GRIA3: variants seen among roughly 807,000 people sequenced by gnomAD.
GRIA3 encodes the protein glutamate receptor 3.
In GRIA3, 3 loss-of-function variants were observed where a neutral mutation model predicts 63.0. The ratio of observed to expected loss-of-function variants is 0.05; its 90% CI spans 0.02 to 0.12. GRIA3 has a LOEUF of 0.12. GRIA3 is among the 10% of genes least tolerant of loss of function. The probability of loss-of-function intolerance (pLI) is 1.00; values close to 1 mark genes in which losing one functional copy is unlikely to be tolerated. For synonymous variants in GRIA3, 274 were observed against 257.9 expected (o/e 1.06, Z -0.60); for missense variants, 347 against 700.9 (o/e 0.50, Z 5.70).
chrX:123,235,824 TAA>T (rs201918042), intron 2 of GRIA3, among the ~76,000 whole-genome samples: 8 of 101,181 alleles, frequency 7.9e-5, no homozygotes, highest in African/African-American at 1.1e-4. Context: ...CCAGATACAT[TAA>T]AAAAAAAAAA....
chrX:123,414,792 G>T (rs900373022), intron 10 of GRIA3, among the ~76,000 whole-genome samples: 4 of 110,793 alleles, frequency 3.6e-5, no homozygotes, highest in Non-Finnish European at 7.6e-5. Context: ...TGGTGTATAT[G>T]TGCCACATTT....
At chrX:123,220,406 AGGAAGAATG>A (rs1928261462) in intron 2 of GRIA3, among the ~76,000 whole-genome samples, 1 of 112,549 alleles carries the variant, frequency 8.9e-6, no homozygotes, top group East Asian at 2.8e-4. Flanking sequence ...AACATAGGTA[AGGAAGAATG>A]GTGATAGTTA....
chrX:123,422,601 C>A (rs1461880863), intron 11 of GRIA3, among the ~76,000 whole-genome samples: 9 of 112,077 alleles, frequency 8.0e-5, no homozygotes, highest in Non-Finnish European at 1.7e-4. Flanking sequence ...TCACTAGATT[C>A]ACAATCTGCT....
At chrX:123,464,247 G>A (rs894600500) in intron 12 of GRIA3, among the ~76,000 whole-genome samples, 2 of 111,466 alleles carry the variant, frequency 1.8e-5, no homozygotes, top group East Asian at 2.8e-4. Flanking sequence ...GGCAGGATCC[G>A]TACTCCATAC....
intron 3 of GRIA3, among the ~76,000 whole-genome samples, chrX:123,305,855 G>A (rs188544838): frequency 1.7e-4 from 19 of 112,038 alleles, no homozygotes; most frequent in Middle Eastern, 4.6e-3. Context: ...CCCTGTCCCC[G>A]TTGCAAATAA....
chrX:123,251,517 C>T (rs1164934486), intron 2 of GRIA3, among the ~76,000 whole-genome samples: 1 of 111,413 alleles, frequency 9.0e-6, no homozygotes, highest in Non-Finnish European at 1.9e-5. Flanking sequence ...CTCACTGCAA[C>T]CTCTGCCTCC....
At position 123,463,611 on chromosome X, in the gene GRIA3, GGAAAGAAAGAAAGAAAGAAAGAAAGAAA is replaced by G. The variant is rs1192576542; in HGVS notation, c.2077-1207_2077-1180del. Among the ~76,000 whole-genome samples the G allele has an allele frequency of 6.6e-4, 8 of 12,135 alleles. No individual in the cohort carries two copies. The Admixed American group carries it at 7.0e-3, about 11-fold the overall frequency. 10.5% of individuals were successfully genotyped at this position (12,135 alleles called of 115,157 possible). A position where few individuals can be genotyped will look rare whatever the true frequency, so the allele number is the denominator to read the frequency against. ...GGGAGGGAGGGAGGGAGGGAGGGAG[GGAAAGAAAGAAAGAAAGAAAGAAAGAAA>G]GAAAGAAAGAAAGAAAGAAAGAAAG... On this transcript the variant is annotated intron_variant, in intron 12 of 15. Transcript: ENST00000620443.
chrX:123,259,112 G>A (rs1248027692), intron 3 of GRIA3, among the ~76,000 whole-genome samples: 2 of 112,070 alleles, frequency 1.8e-5, no homozygotes, highest in African/African-American at 6.5e-5. Context: ...ATTAGAGCAA[G>A]AACCCTGTGA....
chrX:123,244,516 C>T (rs906946567), intron 2 of GRIA3, among the ~76,000 whole-genome samples: 4 of 112,873 alleles, frequency 3.5e-5, no homozygotes, highest in Non-Finnish European at 7.5e-5. Flanking sequence ...TAAGTTTCTA[C>T]TGCTAAAGTA....
intron 2 of GRIA3, among the ~76,000 whole-genome samples, chrX:123,242,807 G>A (rs2044337454): frequency 8.9e-6 from 1 of 112,760 alleles, no homozygotes; most frequent in African/African-American, 3.2e-5. Context: ...CCAGGGAAGT[G>A]ACCGGCCCAA....
At chrX:123,196,935 C>T (rs1410746682) in intron 2 of GRIA3, among the ~76,000 whole-genome samples, 2 of 112,173 alleles carry the variant, frequency 1.8e-5, no homozygotes, top group Non-Finnish European at 3.8e-5. Context: ...TTAAGACTAA[C>T]TGACCCATAT....
intron 3 of GRIA3, among the ~76,000 whole-genome samples, chrX:123,268,804 G>A (rs946626253): frequency 8.9e-6 from 1 of 111,779 alleles, no homozygotes; most frequent in African/African-American, 3.3e-5. Flanking sequence ...ATCGCGTTAA[G>A]CCTTTTCTAC....
intron 2 of GRIA3, among the ~76,000 whole-genome samples, chrX:123,251,927 G>A (rs967147572): frequency 9.8e-5 from 11 of 112,002 alleles, no homozygotes; most frequent in Admixed American, 1.9e-4. Context: ...ACATAGATTC[G>A]AATCAAATGC....
At chrX:123,340,635 A>T (rs2045002786) in intron 4 of GRIA3, among the ~76,000 whole-genome samples, 1 of 112,507 alleles carries the variant, frequency 8.9e-6, no homozygotes, top group Non-Finnish European at 1.9e-5. Flanking sequence ...GAGCTTAGTA[A>T]GTACTAAATA....
intron 6 of GRIA3, among the ~76,000 whole-genome samples, chrX:123,397,600 C>T (rs181158763): frequency 8.9e-6 from 1 of 112,253 alleles, no homozygotes; most frequent in African/African-American, 3.2e-5. Flanking sequence ...TCCCCTGTTA[C>T]AGTCACACTT....
intron 2 of GRIA3, among the ~76,000 whole-genome samples, chrX:123,226,790 A>G (rs1195802060): frequency 8.9e-6 from 1 of 111,733 alleles, no homozygotes; most frequent in African/African-American, 3.2e-5. Context: ...GAACAATACA[A>G]TATGCAAATA....
chrX:123,273,802 T>C (rs2044538066), intron 3 of GRIA3, among the ~76,000 whole-genome samples: 2 of 112,501 alleles, frequency 1.8e-5, no homozygotes, highest in South Asian at 7.4e-4. Context: ...TCACCTGTTT[T>C]GTGTCTCATT....
At chrX:123,411,472 G>A (rs770394982) in intron 10 of GRIA3, among the ~76,000 whole-genome samples, 7 of 111,824 alleles carry the variant, frequency 6.3e-5, no homozygotes, top group Admixed American at 3.8e-4. Context: ...TTAAAATTAC[G>A]TTTAAAGTCA....
intron 12 of GRIA3, among the ~76,000 whole-genome samples, chrX:123,464,664 T>C (rs1430459805): frequency 9.0e-6 from 1 of 111,363 alleles, no homozygotes; most frequent in Non-Finnish European, 1.9e-5. Flanking sequence ...TCAGAGAGCA[T>C]CACACATAGC....
Sources: gnomAD v4.1 joint callset for allele counts (sites outside exome capture counted in the v4.1 genomes callset) on GRCh38, gnomAD v4.1.1 for gene constraint, MANE v1.5 for transcripts, NCBI Gene and HGNC (gene_info 2026-07-23, HGNC 2026-07-21) for gene names.